ASTN1: variants seen among roughly 807,000 people sequenced by gnomAD.
The protein encoded by ASTN1 is astrotactin-1.
ASTN1 carries 41 observed loss-of-function variants against 140.7 expected under a neutral mutation model. The observed-to-expected ratio is 0.29, with a 90% CI of 0.23 to 0.38. The LOEUF (loss-of-function observed/expected upper bound fraction) is 0.38. Ranked by LOEUF, ASTN1 falls within the 10% of genes least tolerant of loss-of-function variation. ASTN1 has a pLI of 1.00. For missense variants in ASTN1, 1,479 were observed against 1,678.8 expected (o/e 0.88, Z 2.08); for synonymous variants, 640 against 652.2 (o/e 0.98, Z 0.29).
At chr1:176,874,689 A>G (rs1668488766) in intron 21 of ASTN1, among the ~76,000 whole-genome samples, 1 of 152,190 alleles carries the variant, frequency 6.6e-6, no homozygotes, top group African/African-American at 2.4e-5. Flanking sequence ...AATGGCAGCT[A>G]ACTTTTACTG....
chr1:177,064,024 C>T (rs1678227531), intron 1 of ASTN1, among the ~76,000 whole-genome samples: 1 of 152,130 alleles, frequency 6.6e-6, no homozygotes, highest in African/African-American at 2.4e-5. Context: ...CCCAGGAGAT[C>T]CTCCTCAAGT....
At chr1:176,955,182 T>C (rs917334546) in intron 11 of ASTN1, among the ~76,000 whole-genome samples, 12 of 152,102 alleles carry the variant, frequency 7.9e-5, no homozygotes, top group African/African-American at 2.7e-4. Flanking sequence ...GGACTAAAGG[T>C]AAACTTTACG....
chr1:177,080,266 A>G lies in ASTN1; in HGVS notation c.284-19001T>C, dbSNP rs1327840984. On this transcript the variant is annotated intron_variant, in intron 1 of 22. Coordinates refer to ENST00000361833, the MANE Select transcript of ASTN1 (RefSeq NM_004319.3). The stretch of plus-strand genomic sequence containing the variant: ...TTTCCTATATCACCAGGCCAAAAAA[A>G]AAAAAAAAAAAAAAACCGGTATCAC... Among the ~76,000 whole-genome samples, 4 of 151,212 alleles carry G rather than the reference A, an allele frequency of 2.6e-5. No individual in the cohort carries two copies. The East Asian group carries it at 7.8e-4, about 29-fold the overall frequency.
chr1:177,047,328 A>G (rs1677286621), intron 2 of ASTN1, among the ~76,000 whole-genome samples: 1 of 152,212 alleles, frequency 6.6e-6, no homozygotes, highest in Admixed American at 6.5e-5. Flanking sequence ...AAATCATAGA[A>G]GTATTAAATA....
chr1:176,885,213 C>T (rs1668984387), intron 18 of ASTN1, among the ~76,000 whole-genome samples: 1 of 152,188 alleles, frequency 6.6e-6, no homozygotes, highest in African/African-American at 2.4e-5. Flanking sequence ...ATATGGATAT[C>T]CTGGTTCCTG....
chr1:176,892,014 AT>A (rs1184111337), intron 17 of ASTN1, among the ~76,000 whole-genome samples: 5 of 152,204 alleles, frequency 3.3e-5, no homozygotes, highest in Non-Finnish European at 7.3e-5. Flanking sequence ...GGGCAAGAAC[AT>A]TCTTGGGACA....
Position 176,897,185 on chromosome 1 carries a change from G to C in ASTN1, c.2672-2355C>G, listed in dbSNP as rs1214422118. On this transcript the variant is annotated intron_variant, in intron 16 of 22. Transcript: ENST00000361833. ...AGCTACTCGGGAGGCTGAGGCAAGA[G>C]AATCGCTTGAACTCGGCAGGTGGAG... Among the ~76,000 whole-genome samples the C allele has an allele frequency of 3.5e-5, 5 of 143,928 alleles. No individual in the cohort carries two copies. In the East Asian group the frequency reaches 8.6e-4, roughly 25 times the overall value. 94.4% of individuals were successfully genotyped at this position (143,928 alleles called of 152,430 possible).
intron 1 of ASTN1, among the ~76,000 whole-genome samples, chr1:177,089,395 C>T (rs1679633342): frequency 6.6e-6 from 1 of 152,086 alleles, no homozygotes; most frequent in African/African-American, 2.4e-5. Context: ...GTATTAATCT[C>T]TGACTCATAG....
chr1:177,119,284 A>G (rs1681259910), intron 1 of ASTN1, among the ~76,000 whole-genome samples: 1 of 152,240 alleles, frequency 6.6e-6, no homozygotes, highest in African/African-American at 2.4e-5. Flanking sequence ...GGTGCTAAAT[A>G]AATGTGCAGA....
intron 1 of ASTN1, among the ~76,000 whole-genome samples, chr1:177,124,996 G>A (rs544318527): frequency 4.6e-5 from 7 of 152,346 alleles, no homozygotes; most frequent in Admixed American, 1.3e-4. Context: ...TGTGCCAGAT[G>A]CTGGCAGAAG....
At chr1:176,936,140 C>A in intron 15 of ASTN1, 126 bp downstream of exon 15, 1 of 802,662 alleles carries the variant, frequency 1.2e-6, no homozygotes, top group Non-Finnish European at 2.1e-6. Flanking sequence ...GTAAATAGCT[C>A]ACACATCTCA....
chr1:177,085,900 G>A (rs1679442035), intron 1 of ASTN1, among the ~76,000 whole-genome samples: 1 of 152,116 alleles, frequency 6.6e-6, no homozygotes, highest in Non-Finnish European at 1.5e-5. Context: ...CTCATTATAG[G>A]ATGACATAAC....
intron 1 of ASTN1, among the ~76,000 whole-genome samples, chr1:177,076,711 G>A (rs1037413448): frequency 2.6e-5 from 4 of 151,872 alleles, no homozygotes; most frequent in African/African-American, 9.7e-5. Context: ...TAGTAGAGAC[G>A]AGTGTTTCAC....
Position 176,957,718 on chromosome 1 carries a change from C to A in ASTN1, c.1847G>T (p.Arg616Leu). ...GTCCAGCTTGCGATCTGAAATACAG[C>A]GGAAATTCTTACTGCAGCCCCCGTT... is the stretch of plus-strand genomic sequence containing the variant. The part of the protein sequence containing the change: ...KDNGGCSKNF[R>L]CISDRKLDST... The change falls in exon 11 of 23, where the codon CGC becomes CTC. Residue 616 changes from arginine (R) to leucine (L), a missense_variant. Around this residue, in one of 3 missense-constraint regions of ASTN1, gnomAD observed 729 missense variants for 860.4 expected, o/e 0.85. Coordinates refer to ENST00000361833, the MANE Select transcript of ASTN1 (RefSeq NM_004319.3). 1.9e-6 allele frequency: 3 copies of A among 1,614,032 alleles called. No homozygotes were observed. The highest frequency in any genetic ancestry group is 2.5e-6 in the Non-Finnish European group (3 of 1,179,968).
In ASTN1 at chr1:176,993,685, C is replaced by T. The variant is rs544095287; in HGVS notation, c.1523+21106G>A. 1.2e-4 allele frequency among the ~76,000 whole-genome samples: 19 copies of T among 152,254 alleles called. No individual in the cohort carries two copies. In the South Asian group the frequency reaches 2.9e-3, roughly 23 times the overall value. On this transcript the variant is annotated intron_variant, in intron 8 of 22. Coordinates refer to ENST00000361833, the MANE Select transcript of ASTN1 (RefSeq NM_004319.3). Reference sequence around the variant, plus strand: ...CCATTGAGATACTCATTGCCCCATACGCATTAGTACTCTGGTAATCTATGG... The same window carrying T: ...CCATTGAGATACTCATTGCCCCATATGCATTAGTACTCTGGTAATCTATGG...
chr1:177,162,352 G>C (rs554388360), intron 1 of ASTN1, among the ~76,000 whole-genome samples: 12 of 152,214 alleles, frequency 7.9e-5, no homozygotes, highest in Non-Finnish European at 1.8e-4. Flanking sequence ...CTGACTGGGA[G>C]AGTGGGAGAT....
intron 1 of ASTN1, among the ~76,000 whole-genome samples, chr1:177,096,519 C>T (rs1680032098): frequency 6.6e-6 from 1 of 152,114 alleles, no homozygotes; most frequent in Admixed American, 6.6e-5. Flanking sequence ...TTGGCTGTGT[C>T]CCTACTCAAA....
At chr1:177,115,426 C>T (rs931253598) in intron 1 of ASTN1, among the ~76,000 whole-genome samples, 32 of 152,120 alleles carry the variant, frequency 2.1e-4, no homozygotes, top group African/African-American at 7.0e-4. Context: ...AATCCCAGCA[C>T]TTTGGGAGGC....
intron 2 of ASTN1, among the ~76,000 whole-genome samples, chr1:177,040,755 C>A (rs1231832393): frequency 6.6e-6 from 1 of 152,170 alleles, no homozygotes; most frequent in African/African-American, 2.4e-5. Context: ...TAGGTTTGAT[C>A]GTCTTTCTTC....
Sources: gnomAD v4.1 joint callset for allele counts (sites outside exome capture counted in the v4.1 genomes callset) on GRCh38, gnomAD v4.1.1 for gene constraint, gnomAD v4.1.1 regional missense constraint, MANE v1.5 for transcripts, NCBI Gene and HGNC (gene_info 2026-07-23, HGNC 2026-07-21) for gene names.